The following DYNC1I1 variants were observed in gnomAD, a reference collection of about 807,000 sequenced individuals.
DYNC1I1 encodes dynein cytoplasmic 1 intermediate chain 1, also known as cytoplasmic dynein 1 intermediate chain 1.
A neutral mutation model predicts 86.6 loss-of-function variants in DYNC1I1; 43 were observed. The observed-to-expected ratio is 0.50, with a 90% CI of 0.39 to 0.64. DYNC1I1 has a LOEUF of 0.64. DYNC1I1 is among the 30% of genes least tolerant of loss of function. The pLI is 0.00. For synonymous variants in DYNC1I1, 262 were observed against 283.7 expected, an observed-to-expected ratio of 0.92 and a Z score of 0.77; for missense variants, 604 against 788.8, an observed-to-expected ratio of 0.77 and a Z score of 2.81.
chr7:96,028,709 GGGACTTTT>G (rs1157750877), intron 11 of DYNC1I1, among the ~76,000 whole-genome samples: 1 of 152,182 alleles, frequency 6.6e-6, no homozygotes, highest in Non-Finnish European at 1.5e-5. Flanking sequence ...GATGATATAT[GGGACTTTT>G]GCCAACTGGC....
At chr7:95,838,112 C>T (rs1240453419) in intron 5 of DYNC1I1, among the ~76,000 whole-genome samples, 1 of 152,168 alleles carries the variant, frequency 6.6e-6, no homozygotes, top group Admixed American at 6.5e-5. Flanking sequence ...TTGCCAAGGC[C>T]AATGTCGAAA....
At chr7:95,826,893 A>G (rs1795213843) in intron 4 of DYNC1I1, among the ~76,000 whole-genome samples, 1 of 152,224 alleles carries the variant, frequency 6.6e-6, no homozygotes, top group Non-Finnish European at 1.5e-5. Flanking sequence ...GAAGTTTGGA[A>G]GATCACTGCA....
intron 5 of DYNC1I1, among the ~76,000 whole-genome samples, chr7:95,843,872 A>G (rs1789356664): frequency 1.3e-5 from 2 of 152,252 alleles, no homozygotes; most frequent in Non-Finnish European, 2.9e-5. Flanking sequence ...GAAAGATGAA[A>G]TAACAGGATA....
At chr7:95,937,498 C>T (rs895370439) in intron 6 of DYNC1I1, among the ~76,000 whole-genome samples, 1 of 141,728 alleles carries the variant, frequency 7.1e-6, no homozygotes, top group South Asian at 2.2e-4. Flanking sequence ...TTAATTTAAT[C>T]TTCGTTCAAA....
intron 12 of DYNC1I1, among the ~76,000 whole-genome samples, chr7:96,033,875 T>C (rs1794870661): frequency 6.6e-6 from 1 of 152,084 alleles, no homozygotes; most frequent in South Asian, 2.1e-4. Context: ...CTGGGTGTGC[T>C]AGCACATGTC....
intron 1 of DYNC1I1, among the ~76,000 whole-genome samples, chr7:95,789,377 T>A (rs996963510): frequency 6.6e-5 from 10 of 152,252 alleles, no homozygotes; most frequent in African/African-American, 2.4e-4. Flanking sequence ...TCAGGCAGTA[T>A]TGATTTTCTA....
chr7:95,901,416 AT>A (rs1345972929), intron 6 of DYNC1I1, among the ~76,000 whole-genome samples: 3 of 152,148 alleles, frequency 2.0e-5, no homozygotes, highest in African/African-American at 4.8e-5. Context: ...CTTTTTAAGA[AT>A]AATCACAAAT....
At chr7:95,920,052 G>T (rs561043212) in intron 6 of DYNC1I1, among the ~76,000 whole-genome samples, 2 of 152,148 alleles carry the variant, frequency 1.3e-5, no homozygotes, top group Non-Finnish European at 1.5e-5. Flanking sequence ...TGAAGTGTGG[G>T]GTTGTGCATA....
intron 1 of DYNC1I1, among the ~76,000 whole-genome samples, chr7:95,803,412 G>T (rs1317722949): frequency 6.6e-6 from 1 of 152,218 alleles, no homozygotes; most frequent in African/African-American, 2.4e-5. Context: ...TGAAGAAACA[G>T]TGTGATCATG....
intron 1 of DYNC1I1, among the ~76,000 whole-genome samples, chr7:95,783,448 G>C (rs1028930485): frequency 6.6e-6 from 1 of 152,116 alleles, no homozygotes; most frequent in African/African-American, 2.4e-5. Context: ...GATCGTAGGG[G>C]CCAATGTCTA....
downstream of DYNC1I1, among the ~76,000 whole-genome samples, chr7:96,100,356 T>TTTCC (rs372153684): frequency 4.8e-3 from 718 of 150,832 alleles, 2 homozygotes; most frequent in East Asian, 8.3e-3. Flanking sequence ...CCTTCCTTCC[T>TTTCC]TTCCTTCCTT....
chr7:95,828,779 C>T (rs1214421923), intron 5 of DYNC1I1, among the ~76,000 whole-genome samples: 1 of 152,094 alleles, frequency 6.6e-6, no homozygotes, highest in African/African-American at 2.4e-5. Context: ...ATAAAACACA[C>T]AGACATATCC....
rs1202072369 is a variant in DYNC1I1, at chr7:96,020,822, A to T, written c.970-7353A>T. On this transcript the variant is annotated intron_variant, in intron 10 of 16. Coordinates refer to ENST00000447467, the MANE Select transcript of DYNC1I1 (RefSeq NM_001135556.2). ...AATATTATTCAGCCTTAAAAAGGAA[A>T]GAAATTTTGACACATGCTACAACAT... 2.6e-5 allele frequency among the ~76,000 whole-genome samples: 4 copies of T among 152,214 alleles called. No individual in the cohort carries two copies. In the East Asian group the frequency reaches 7.7e-4, roughly 29 times the overall value.
intron 14 of DYNC1I1, among the ~76,000 whole-genome samples, chr7:96,045,984 G>A (rs746948398): frequency 6.6e-6 from 1 of 152,052 alleles, no homozygotes; most frequent in Non-Finnish European, 1.5e-5. Context: ...GAAGGGAGAG[G>A]GAATTAAAAC....
intron 5 of DYNC1I1, among the ~76,000 whole-genome samples, chr7:95,866,993 T>C (rs1790032186): frequency 6.6e-6 from 1 of 152,212 alleles, no homozygotes; most frequent in African/African-American, 2.4e-5. Flanking sequence ...GGTTTTGTTT[T>C]AGTGGGATAA....
intron 14 of DYNC1I1, among the ~76,000 whole-genome samples, chr7:96,043,884 A>G (rs1789131913): frequency 6.6e-6 from 1 of 151,816 alleles, no homozygotes; most frequent in South Asian, 2.1e-4. Flanking sequence ...TAATTTTTGT[A>G]TTTTTAGTAG....
At chr7:96,070,767 T>A (rs1790137046) in intron 14 of DYNC1I1, among the ~76,000 whole-genome samples, 1 of 152,050 alleles carries the variant, frequency 6.6e-6, no homozygotes, top group African/African-American at 2.4e-5. Context: ...AAACACTAAA[T>A]CCTATTGGGA....
chr7:95,791,285 C>T (rs992535699), intron 1 of DYNC1I1, among the ~76,000 whole-genome samples: 1 of 152,186 alleles, frequency 6.6e-6, no homozygotes, highest in African/African-American at 2.4e-5. Flanking sequence ...CATCCTCTAT[C>T]GAGAGAGAGT....
intron 15 of DYNC1I1, among the ~76,000 whole-genome samples, chr7:96,079,014 T>C (rs1438232958): frequency 6.7e-6 from 1 of 148,262 alleles, no homozygotes; most frequent in Admixed American, 7.0e-5. Flanking sequence ...CCGGGGACTT[T>C]TGGGGTTTTT....
Sources: allele counts gnomAD v4.1 joint callset (sites outside exome capture counted in the v4.1 genomes callset), GRCh38; gene constraint gnomAD v4.1.1; transcripts MANE v1.5; gene names NCBI Gene and HGNC (gene_info 2026-07-23, HGNC 2026-07-21).